The following DNPEP variants were observed in gnomAD, a reference collection of about 807,000 sequenced individuals.
DNPEP encodes the protein aspartyl aminopeptidase.
A neutral mutation model predicts 59.1 loss-of-function variants in DNPEP; 46 were observed. The observed-to-expected ratio is 0.78, with a 90% CI of 0.61 to 0.99. The LOEUF is 0.99. DNPEP is among the 50% of genes least tolerant of loss of function. The pLI is 0.00. For synonymous variants in DNPEP, 229 were observed against 242.2 expected (o/e 0.95, Z 0.50); for missense variants, 617 against 649.9 (o/e 0.95, Z 0.55).
chr2:219,383,075 C>A (rs1953664565), intron 10 of DNPEP, 56 bp downstream of exon 10: 2 of 1,538,378 alleles, frequency 1.3e-6, no homozygotes, highest in Non-Finnish European at 1.8e-6. Context: ...CCTGGCACAA[C>A]AAGTTGGCTG....
intron 13 of DNPEP, among the ~76,000 whole-genome samples, chr2:219,376,937 G>A (rs911540328): frequency 3.9e-5 from 6 of 152,062 alleles, no homozygotes; most frequent in African/African-American, 1.4e-4. Context: ...TATCATGTGT[G>A]TGATGCCATA....
At chr2:219,387,990 T>C (rs1953927971), upstream of DNPEP, 5 of 1,099,838 alleles carry the variant, frequency 4.5e-6, no homozygotes, top group Non-Finnish European at 4.5e-6. Context: ...CCCGCCCACC[T>C]CGGTCAGCCC....
chr2:219,385,328 G>A, intron 8 of DNPEP, 96 bp downstream of exon 8: 1 of 742,934 alleles, frequency 1.3e-6, no homozygotes, highest in Non-Finnish European at 2.3e-6. Context: ...GTTACTGAGG[G>A]CTTGGTGGAG....
Position 219,383,753 on chromosome 2 carries a change from T to C in DNPEP, c.853-539A>G, listed in dbSNP as rs1574983196. On this transcript the variant is annotated intron_variant, in intron 9 of 14. Coordinates refer to ENST00000273075, the MANE Select transcript of DNPEP (RefSeq NM_012100.4). ...ATGACTGGCTGGTTGCCTGCAGAAG[T>C]AGATGCAGGTCCCAGGTCCAGCTCT... is the stretch of plus-strand genomic sequence containing the variant. Among the ~76,000 whole-genome samples the C allele has an allele frequency of 3.9e-5, 6 of 152,036 alleles. No individual in the cohort carries two copies. The South Asian group carries it at 1.2e-3, about 32-fold the overall frequency.
upstream of DNPEP, among the ~76,000 whole-genome samples, chr2:219,392,875 C>A (rs1355907653): frequency 6.6e-6 from 1 of 152,178 alleles, no homozygotes; most frequent in Non-Finnish European, 1.5e-5. Flanking sequence ...ACTCTCCTAC[C>A]TAGGATGAGC....
intron 13 of DNPEP, among the ~76,000 whole-genome samples, chr2:219,380,867 G>A (rs1953568055): frequency 1.4e-4 from 1 of 6,984 alleles, no homozygotes; most frequent in African/African-American, 2.0e-4. Context: ...ACACACTGAG[G>A]AGAAAGGACT....
intron 8 of DNPEP, 134 bp from the exon 9 acceptor site, chr2:219,384,577 C>T (rs1433784425): frequency 1.9e-5 from 10 of 520,220 alleles, no homozygotes; most frequent in African/African-American, 1.8e-4. Context: ...TTTGTTTTTT[C>T]TTTTTTTTGA....
intron 9 of DNPEP, among the ~76,000 whole-genome samples, chr2:219,383,863 C>G (rs1290458579): frequency 6.6e-6 from 1 of 151,914 alleles, no homozygotes; most frequent in Non-Finnish European, 1.5e-5. Flanking sequence ...AGATCAAGGG[C>G]AAGAGGAGAG....
intron 13 of DNPEP, 109 bp downstream of exon 13, chr2:219,381,226 C>T: frequency 1.1e-6 from 1 of 928,188 alleles, no homozygotes; most frequent in African/African-American, 1.6e-5. Flanking sequence ...ACTGGGACCC[C>T]CCTCCACTCA....
At chr2:219,393,734 A>C (rs563936795), upstream of DNPEP, 2 of 152,228 alleles carry the variant, frequency 1.3e-5, no homozygotes, top group Non-Finnish European at 2.9e-5. Context: ...GCCGAGGACC[A>C]TGGTTCCCAT....
rs1953305284 is a variant in DNPEP at position 219,374,862 on chromosome 2, A to T, written c.1400T>A (p.Leu467His). Reference protein sequence around the residue: ...CTTGVLQTLTLFKGFFELFPS... With the variant: ...CTTGVLQTLTHFKGFFELFPS... ...GTCTGGGGTGGGTGTTACCTTGAAG[A>T]GGGTGAGGGTCTGGAGGACTCCTGT... The change falls in exon 14 of 15, where the codon CTC becomes CAC. Residue 467 changes from leucine to histidine, a missense_variant. By Grantham distance (99) the Leu-to-His change is moderately conservative. Transcript: ENST00000273075. 1 of 1,612,892 alleles carries T rather than the reference A, an allele frequency of 6.2e-7. No homozygotes were observed. Among genetic ancestry groups the T allele is most frequent in the Non-Finnish European group, 8.5e-7 (1 of 1,179,040 alleles).
intron 1 of DNPEP, among the ~76,000 whole-genome samples, chr2:219,395,247 C>T (rs1047067563): frequency 3.9e-5 from 6 of 152,140 alleles, no homozygotes; most frequent in African/African-American, 7.2e-5. Flanking sequence ...TGGGCCCGGC[C>T]GACGTGGGGT....
Position 219,372,603 on chromosome 2 carries a change from G to A in DNPEP, c.*1689C>T, listed in dbSNP as rs1462840598. Among the ~76,000 whole-genome samples, 1 of 152,038 alleles carries A rather than the reference G, an allele frequency of 6.6e-6. No homozygotes were observed. On this transcript the variant is annotated 3_prime_UTR_variant, in exon 15 of 15. Transcript: ENST00000273075. ...GCTGGTTTTGAACTCCTGACCTCAA[G>A]TGATCTGCCCACCTCGGCCTCCCAA...
intron 14 of DNPEP, among the ~76,000 whole-genome samples, chr2:219,374,598 A>T (rs1953293530): frequency 1.3e-5 from 2 of 152,154 alleles, no homozygotes; most frequent in African/African-American, 4.8e-5. Context: ...TTGTAGAGAC[A>T]TGGACTTGCC....
rs777245121 is a variant in DNPEP, at chr2:219,386,773, G to T, written c.225C>A (p.Phe75Leu). ...TGATGGTGGAGGAGTTCCTGGTCAT[G>T]AAGTACTGAGGAGAAGGGGAGGAAA... ...KWNIKPESKY[F>L]MTRNSSTIIA... The change falls in exon 4 of 15, where the codon TTC becomes TTA. Residue 75 changes from phenylalanine to leucine, a missense_variant. Transcript: ENST00000273075. 19 of 1,612,918 alleles carry T rather than the reference G, an allele frequency of 1.2e-5. No individual in the cohort carries two copies. The highest frequency in any genetic ancestry group is 1.4e-5 in the Non-Finnish European group (17 of 1,179,468).
chr2:219,387,227 C>G lies in DNPEP; in HGVS notation c.37-64G>C, dbSNP rs772652705. On this transcript the variant is annotated intron_variant, in intron 1 of 14. Transcript: ENST00000273075. The stretch of plus-strand genomic sequence containing the variant: ...GACCCCTGACCTTTCACCCAGGTTC[C>G]GAGGATTCTCCCATCCCCACCCCCA... The G allele has an allele frequency of 1.7e-4, 266 of 1,533,644 alleles. 1 individual carries two copies. Among genetic ancestry groups the G allele is most frequent in the Non-Finnish European group, 2.3e-4 (265 of 1,135,310 alleles).
chr2:219,384,577 CTTTT>C (rs5838737), intron 8 of DNPEP, 134 bp from the exon 9 acceptor site: 1 of 517,032 alleles, frequency 1.9e-6, no homozygotes, highest in African/African-American at 2.0e-5. Context: ...TTTGTTTTTT[CTTTT>C]TTTTGAGATG....
chr2:219,397,648 T>C (rs1242565114), intron 1 of DNPEP, among the ~76,000 whole-genome samples: 2 of 152,232 alleles, frequency 1.3e-5, no homozygotes, highest in Non-Finnish European at 2.9e-5. Context: ...AAGAGATATC[T>C]GGGCTGGGGG....
At chr2:219,381,767 G>T in intron 11 of DNPEP, 183 bp from the exon 12 acceptor site, 5 of 861,662 alleles carry the variant, frequency 5.8e-6, no homozygotes, top group Non-Finnish European at 9.2e-6. Context: ...AAACAAGTTT[G>T]TAGACAAAGG....
Sources: gnomAD v4.1 joint callset for allele counts (sites outside exome capture counted in the v4.1 genomes callset) on GRCh38, gnomAD v4.1.1 for gene constraint, MANE v1.5 for transcripts, NCBI Gene and HGNC (gene_info 2026-07-23, HGNC 2026-07-21) for gene names.